The following CLCA2 variants were observed in gnomAD, a reference collection of about 807,000 sequenced individuals.
CLCA2 encodes chloride channel accessory 2, also known as calcium-activated chloride channel regulator 2.
In CLCA2, 85 loss-of-function variants were observed where a neutral mutation model predicts 82.9. The observed-to-expected ratio is 1.03, with a 90% CI of 0.86 to 1.23. The LOEUF is 1.23. Among genes scored for constraint, CLCA2 ranks in the 50% most tolerant of loss-of-function variants. The pLI is 0.00. For synonymous variants in CLCA2, 421 were observed against 391.7 expected (o/e 1.07, Z -0.88); for missense variants, 1,089 against 1,124.8 (o/e 0.97, Z 0.45).
At chr1:86,451,121 C>T (rs544216874) in intron 12 of CLCA2, among the ~76,000 whole-genome samples, 20 of 152,166 alleles carry the variant, frequency 1.3e-4, no homozygotes, top group Non-Finnish European at 2.1e-4. Flanking sequence ...AGGAGGCCAA[C>T]AGCCCAAACA....
chr1:86,450,270 A>C (rs1662934583), intron 11 of CLCA2, among the ~76,000 whole-genome samples: 1 of 152,204 alleles, frequency 6.6e-6, no homozygotes, highest in South Asian at 2.1e-4. Flanking sequence ...AGAAAAAACT[A>C]GTATTATTTT....
At chr1:86,447,993 A>G (rs1357885372) in intron 11 of CLCA2, 1 of 579,946 alleles carries the variant, frequency 1.7e-6, no homozygotes, top group African/African-American at 1.9e-5. Context: ...CATAGTGTCT[A>G]TGTTTGAGCA....
chr1:86,445,837 C>T (rs1431011518), intron 10 of CLCA2, among the ~76,000 whole-genome samples: 1 of 152,106 alleles, frequency 6.6e-6, no homozygotes, highest in African/African-American at 2.4e-5. Context: ...CGATTAATAG[C>T]ATGCAATCTA....
At chr1:86,441,802 T>A (rs573087640) in intron 9 of CLCA2, among the ~76,000 whole-genome samples, 6 of 152,298 alleles carry the variant, frequency 3.9e-5, no homozygotes, top group African/African-American at 1.4e-4. Context: ...CAAGTGCAGA[T>A]GGGGGTGTGG....
At chr1:86,431,475 T>G (rs1158833) in intron 4 of CLCA2, among the ~76,000 whole-genome samples, 3 of 152,172 alleles carry the variant, frequency 2.0e-5, no homozygotes, top group African/African-American at 7.2e-5. Context: ...GCATTACACA[T>G]GTGTCATTTC....
At chr1:86,452,612 G>A (rs1262445845) in intron 12 of CLCA2, among the ~76,000 whole-genome samples, 2 of 152,064 alleles carry the variant, frequency 1.3e-5, no homozygotes, top group Non-Finnish European at 2.9e-5. Flanking sequence ...CTCAGGGTTT[G>A]CTGTTCCCTC....
intron 6 of CLCA2, among the ~76,000 whole-genome samples, chr1:86,436,582 C>G (rs1662613612): frequency 6.6e-6 from 1 of 152,140 alleles, no homozygotes; most frequent in Admixed American, 6.5e-5. Context: ...CTCTGTGGAT[C>G]AATAGTCCTG....
At chr1:86,424,725 G>T (rs12068303) in intron 1 of CLCA2, among the ~76,000 whole-genome samples, 147 of 152,154 alleles carry the variant, frequency 9.7e-4, no homozygotes, top group African/African-American at 3.4e-3. Context: ...TAGCAACTTA[G>T]AAAAATAACA....
Position 86,450,729 on chromosome 1 carries a change from A to C in CLCA2, c.2151A>C (p.Ala717=). 6.2e-7 allele frequency: 1 copy of C among 1,600,586 alleles called. No individual in the cohort carries two copies. Among genetic ancestry groups the C allele is most frequent in the Admixed American group, 1.7e-5 (1 of 58,320 alleles). The change falls in exon 12 of 14, where the codon GCA becomes GCC. Residue 717 remains alanine, a synonymous_variant. Transcript: ENST00000370565. ...CTATGTATGTACCAGGTTACACAGCAAACGGTAAGAACCATTAGCACTGTT... is the reference window on the plus strand; with the variant it reads ...CTATGTATGTACCAGGTTACACAGCCAACGGTAAGAACCATTAGCACTGTT... The part of the protein sequence containing the change: ...SHAMYVPGYT[A]NGNIQMNAPR...
In CLCA2 at chr1:86,450,749, AC is replaced by A; in HGVS notation, c.2155+17del. 1 of 1,574,938 alleles carries A rather than the reference AC, an allele frequency of 6.3e-7. No individual in the cohort carries two copies. The highest frequency in any genetic ancestry group is 8.6e-7 in the Non-Finnish European group (1 of 1,157,910). ...ACAGCAAACGGTAAGAACCATTAGC[AC>A]TGTTATTTGAGTAACATCATTTCAT... is the stretch of plus-strand genomic sequence containing the variant. On this transcript the variant is annotated intron_variant, in intron 12 of 13. Transcript: ENST00000370565.
intron 5 of CLCA2, among the ~76,000 whole-genome samples, chr1:86,434,301 T>C (rs1224887938): frequency 1.3e-5 from 2 of 152,170 alleles, no homozygotes; most frequent in African/African-American, 2.4e-5. Context: ...TAGAGATTGC[T>C]CTCAGAACCA....
chr1:86,438,971 C>T lies in CLCA2; in HGVS notation c.1068C>T (p.Ser356=). 5 of 1,614,104 alleles carry T rather than the reference C, an allele frequency of 3.1e-6. No individual in the cohort carries two copies. The highest frequency in any genetic ancestry group is 4.2e-6 in the Non-Finnish European group (5 of 1,180,012). ...TCGTGGGCATTGCCAGTTTCGACAG[C>T]AAAGGAGAGATCAGAGCCCAGCTAC... is the stretch of plus-strand genomic sequence containing the variant. ...HTFVGIASFD[S]KGEIRAQLHQ... The change falls in exon 7 of 14, where the codon AGC becomes AGT. Residue 356 remains serine, a synonymous_variant. Transcript: ENST00000370565.
At chr1:86,439,168 G>A (rs1323676095) in intron 7 of CLCA2, 62 bp downstream of exon 7, 39 of 1,500,742 alleles carry the variant, frequency 2.6e-5, no homozygotes, top group Middle Eastern at 1.7e-4. Flanking sequence ...TTTAGTATAC[G>A]AGGTTTCCTC....
At chr1:86,430,476 T>C (rs1455719848) in intron 3 of CLCA2, among the ~76,000 whole-genome samples, 2 of 152,160 alleles carry the variant, frequency 1.3e-5, no homozygotes, top group African/African-American at 4.8e-5. Context: ...TTTATTTGCC[T>C]ATCTGGATAT....
At chr1:86,425,602 A>C in intron 2 of CLCA2, 126 bp downstream of exon 2, 2 of 651,116 alleles carry the variant, frequency 3.1e-6, no homozygotes, top group Non-Finnish European at 4.5e-6. Flanking sequence ...TGCAAATAAT[A>C]TTAATGGGCA....
At chr1:86,432,280 A>C in intron 4 of CLCA2, 89 bp from the exon 5 acceptor site, 1 of 1,488,220 alleles carries the variant, frequency 6.7e-7, no homozygotes, top group East Asian at 2.3e-5. Flanking sequence ...GCAGGCTACA[A>C]TCCTTGTAAT....
chr1:86,439,144 T>G, intron 7 of CLCA2, 38 bp downstream of exon 7: 1 of 1,589,972 alleles, frequency 6.3e-7, no homozygotes, highest in Non-Finnish European at 8.6e-7. Context: ...TCACCATCAT[T>G]TTCCTTTCCC....
At chr1:86,452,176 CTTTTTTTTTTTT>C (rs753484167) in intron 12 of CLCA2, among the ~76,000 whole-genome samples, 2 of 43,946 alleles carry the variant, frequency 4.6e-5, no homozygotes, top group East Asian at 8.2e-4. Context: ...AACCTGGAAG[CTTTTTTTTTTTT>C]TTTTTTTTTT....
chr1:86,441,660 T>A (rs1662739569), intron 9 of CLCA2, 117 bp downstream of exon 9: 1 of 649,376 alleles, frequency 1.5e-6, no homozygotes, highest in East Asian at 2.8e-5. Flanking sequence ...ATGTAACAGC[T>A]GTGTATGGAA....
Sources: gnomAD v4.1 joint callset for allele counts (sites outside exome capture counted in the v4.1 genomes callset) on GRCh38, gnomAD v4.1.1 for gene constraint, MANE v1.5 for transcripts, NCBI Gene and HGNC (gene_info 2026-07-23, HGNC 2026-07-21) for gene names.